FAM81A: variants seen among roughly 807,000 people sequenced by gnomAD.
FAM81A encodes the protein protein FAM81A.
FAM81A carries 19 observed loss-of-function variants against 46.7 expected under a neutral mutation model. The ratio of observed to expected loss-of-function variants is 0.41; its 90% CI spans 0.28 to 0.60. The LOEUF (loss-of-function observed/expected upper bound fraction) is 0.60. Ranked by LOEUF, FAM81A falls within the 20% of genes least tolerant of loss-of-function variation. The pLI is 0.34. For missense variants in FAM81A, 377 were observed against 453.5 expected, an observed-to-expected ratio of 0.83 and a Z score of 1.53; for synonymous variants, 183 against 152.9, an observed-to-expected ratio of 1.20 and a Z score of -1.45.
At chr15:59,453,850 G>A (rs1567050039) in intron 1 of FAM81A, among the ~76,000 whole-genome samples, 1 of 152,074 alleles carries the variant, frequency 6.6e-6, no homozygotes. Context: ...GGTGAATCTC[G>A]ATACCTCTCC....
intron 1 of FAM81A, among the ~76,000 whole-genome samples, chr15:59,441,357 T>C (rs2081295737): frequency 6.6e-6 from 1 of 152,258 alleles, no homozygotes; most frequent in African/African-American, 2.4e-5. Context: ...CTGTTCCGTA[T>C]GGTAGTCACT....
In FAM81A at chr15:59,516,857, A is replaced by G. The variant is rs1322203365; in HGVS notation, c.982+17A>G. The G allele has an allele frequency of 1.3e-6, 2 of 1,572,842 alleles. No individual in the cohort carries two copies. Among genetic ancestry groups the G allele is most frequent in the Admixed American group, 2.1e-5 (1 of 48,598 alleles). ...TTAATGCTGGTAGGCCAAAACCAGA[A>G]CAGCTCACGTGCTTTATTTTCTGTT... On this transcript the variant is annotated intron_variant, in intron 8 of 8. Coordinates refer to ENST00000288228, the MANE Select transcript of FAM81A (RefSeq NM_152450.3).
intron 1 of FAM81A, among the ~76,000 whole-genome samples, chr15:59,451,503 A>G (rs940674297): frequency 3.3e-5 from 5 of 151,838 alleles, no homozygotes; most frequent in Non-Finnish European, 7.4e-5. Flanking sequence ...CCCAGGCTAG[A>G]AGGCAGTGGT....
intron 1 of FAM81A, chr15:59,438,696 G>A (rs1432678241): frequency 6.6e-6 from 1 of 152,250 alleles, no homozygotes; most frequent in African/African-American, 2.4e-5. Flanking sequence ...AGGCTAGGGG[G>A]TCTTTGCAGT....
At chr15:59,415,278 C>T (rs1222162610) in intron 2 of FAM81A, among the ~76,000 whole-genome samples, 1 of 152,042 alleles carries the variant, frequency 6.6e-6, no homozygotes, top group Non-Finnish European at 1.5e-5. Flanking sequence ...AACACCACGC[C>T]TGGCTAATTT....
intron 4 of FAM81A, among the ~76,000 whole-genome samples, chr15:59,497,339 G>A (rs765016733): frequency 7.9e-5 from 12 of 151,732 alleles, no homozygotes; most frequent in Admixed American, 5.3e-4. Context: ...CCAGCTACTC[G>A]GGTGGCTGAG....
intron 1 of FAM81A, among the ~76,000 whole-genome samples, chr15:59,400,111 C>A (rs1334447464): frequency 6.6e-6 from 1 of 152,056 alleles, no homozygotes; most frequent in Non-Finnish European, 1.5e-5. Flanking sequence ...GGAAACAGGC[C>A]AGAGGTTCAC....
chr15:59,491,524 AGTC>A (rs2081981404), intron 3 of FAM81A, among the ~76,000 whole-genome samples: 1 of 152,232 alleles, frequency 6.6e-6, no homozygotes, highest in Non-Finnish European at 1.5e-5. Context: ...GGGTGACTGT[AGTC>A]AATAATAATT....
At chr15:59,490,074 T>C (rs2081965570) in intron 3 of FAM81A, among the ~76,000 whole-genome samples, 1 of 151,714 alleles carries the variant, frequency 6.6e-6, no homozygotes, top group South Asian at 2.1e-4. Flanking sequence ...AGTTTACCTA[T>C]GTAAAAAACC....
At chr15:59,410,599 C>T (rs1173033509) in intron 2 of FAM81A, among the ~76,000 whole-genome samples, 1 of 152,196 alleles carries the variant, frequency 6.6e-6, no homozygotes, top group Non-Finnish European at 1.5e-5. Flanking sequence ...CCTGGTGACC[C>T]AGAGCCAACA....
At position 59,412,674 on chromosome 15, in the gene FAM81A, C is replaced by G. The variant is rs141428943; in HGVS notation, c.-78+10316C>G. ...TCCAGGAGGTTGAGGCTGCAGTGAG[C>G]TGTGATCGCACCATTGCACTCCAGC... On this transcript the variant is annotated intron_variant, in intron 2 of 4. Coordinates refer to the FAM81A transcript ENST00000558348. Among the ~76,000 whole-genome samples, 4 of 151,414 alleles carry G rather than the reference C, an allele frequency of 2.6e-5. No individual in the cohort carries two copies. The East Asian group carries it at 7.8e-4, about 29-fold the overall frequency.
intron 1 of FAM81A, among the ~76,000 whole-genome samples, chr15:59,442,618 CA>C (rs1196305104): frequency 0.37 from 29,219 of 77,968 alleles, 2,081 homozygotes; most frequent in South Asian, 0.49. Context: ...CTCCGTCTCT[CA>C]AAAAAAAAAA....
intron 4 of FAM81A, among the ~76,000 whole-genome samples, chr15:59,500,313 C>A (rs890485025): frequency 6.6e-6 from 1 of 151,500 alleles, no homozygotes; most frequent in Admixed American, 6.6e-5. Flanking sequence ...TCTCTCTTTC[C>A]TTTGAGTTGG....
chr15:59,456,894 G>C (rs1467373496), intron 1 of FAM81A, among the ~76,000 whole-genome samples: 1 of 152,074 alleles, frequency 6.6e-6, no homozygotes, highest in Non-Finnish European at 1.5e-5. Context: ...TTGTTTTCTG[G>C]TTGGTTTAGA....
intron 2 of FAM81A, among the ~76,000 whole-genome samples, chr15:59,428,847 T>C (rs2081206881): frequency 6.6e-6 from 1 of 152,056 alleles, no homozygotes; most frequent in Non-Finnish European, 1.5e-5. Flanking sequence ...GCCAGGCTGA[T>C]CTCGAACTCC....
intron 3 of FAM81A, among the ~76,000 whole-genome samples, chr15:59,477,950 T>A (rs1185834148): frequency 6.6e-6 from 1 of 152,224 alleles, no homozygotes; most frequent in Non-Finnish European, 1.5e-5. Context: ...ATCATCATCA[T>A]TATAAATTTA....
chr15:59,448,729 A>C (rs1467683959), intron 1 of FAM81A, among the ~76,000 whole-genome samples: 1 of 152,132 alleles, frequency 6.6e-6, no homozygotes, highest in African/African-American at 2.4e-5. Flanking sequence ...GTGCAGTGTC[A>C]TGCAGTGTTG....
chr15:59,418,285 A>G (rs184304656), intron 2 of FAM81A, among the ~76,000 whole-genome samples: 1 of 152,366 alleles, frequency 6.6e-6, no homozygotes, highest in East Asian at 1.9e-4. Context: ...CAGAGGCAAC[A>G]AACAGTGACA....
chr15:59,490,143 C>A (rs1299684903), intron 3 of FAM81A, among the ~76,000 whole-genome samples: 1 of 151,404 alleles, frequency 6.6e-6, no homozygotes, highest in Non-Finnish European at 1.5e-5. Context: ...AAATCTAAGA[C>A]CTCAAACTAT....
Sources: allele counts gnomAD v4.1 joint callset (sites outside exome capture counted in the v4.1 genomes callset), GRCh38; gene constraint gnomAD v4.1.1; transcripts MANE v1.5; gene names NCBI Gene and HGNC (gene_info 2026-07-23, HGNC 2026-07-21).